The following NELL1 variants were observed in gnomAD, a reference collection of about 807,000 sequenced individuals.
The protein encoded by NELL1 is protein kinase C-binding protein NELL1.
A neutral mutation model predicts 107.4 loss-of-function variants in NELL1; 76 were observed. That is an observed-to-expected ratio of 0.71 (90% CI 0.59 to 0.86). NELL1 has a LOEUF of 0.86. Among genes scored for constraint, NELL1 ranks in the 40% least tolerant of loss-of-function variants. The pLI, the probability that NELL1 is intolerant of heterozygous loss-of-function variation, is 0.00. For synonymous variants in NELL1, 353 were observed against 341.2 expected (o/e 1.03, Z -0.38); for missense variants, 1,024 against 1,005.5 (o/e 1.02, Z -0.25).
chr11:21,473,773 C>A (rs1487075640), intron 15 of NELL1, among the ~76,000 whole-genome samples: 1 of 151,968 alleles, frequency 6.6e-6, no homozygotes, highest in Non-Finnish European at 1.5e-5. Flanking sequence ...ACGTGGGACA[C>A]CCCGTAGTAT....
At chr11:20,884,329 C>T (rs1172864245) in intron 4 of NELL1, among the ~76,000 whole-genome samples, 2 of 152,226 alleles carry the variant, frequency 1.3e-5, no homozygotes, top group Non-Finnish European at 2.9e-5. Context: ...CAGTCAGCTC[C>T]ATCACAGCAG....
At chr11:21,042,776 C>T (rs12577018) in intron 12 of NELL1, among the ~76,000 whole-genome samples, 22,463 of 152,104 alleles carry the variant, frequency 0.15, 2,061 homozygotes, top group African/African-American at 0.24. Flanking sequence ...GGAGCTGTTT[C>T]CAACATAAAT....
intron 12 of NELL1, among the ~76,000 whole-genome samples, chr11:20,967,061 T>A (rs1851401231): frequency 6.6e-6 from 1 of 152,280 alleles, no homozygotes; most frequent in African/African-American, 2.4e-5. Context: ...TTATTTTATT[T>A]ATTTTTTACC....
At chr11:20,888,932 G>A (rs1185822195) in intron 5 of NELL1, among the ~76,000 whole-genome samples, 2 of 152,152 alleles carry the variant, frequency 1.3e-5, no homozygotes, top group East Asian at 1.9e-4. Context: ...TCCAAGTATC[G>A]GAAGAGTGCA....
intron 2 of NELL1, among the ~76,000 whole-genome samples, chr11:20,706,853 G>A (rs1854974968): frequency 6.6e-6 from 1 of 152,038 alleles, no homozygotes; most frequent in African/African-American, 2.4e-5. Flanking sequence ...ACAATTATGT[G>A]TCTTGGAGTT....
intron 2 of NELL1, among the ~76,000 whole-genome samples, chr11:20,779,057 G>A (rs763169097): frequency 2.0e-5 from 3 of 152,140 alleles, no homozygotes; most frequent in Non-Finnish European, 2.9e-5. Flanking sequence ...GCAAATGGGA[G>A]GTTTCCAGAG....
At chr11:20,885,652 A>G in intron 5 of NELL1, 112 bp downstream of exon 5, 1 of 684,682 alleles carries the variant, frequency 1.5e-6, no homozygotes, top group Admixed American at 2.2e-5. Context: ...GCATGGCATA[A>G]TAGCTACTAA....
chr11:21,452,095 A>G (rs1853602047), intron 15 of NELL1, among the ~76,000 whole-genome samples: 1 of 152,188 alleles, frequency 6.6e-6, no homozygotes, highest in Non-Finnish European at 1.5e-5. Context: ...TTGGCATATG[A>G]AAGTTAATTA....
At chr11:20,941,697 T>G (rs1460433249) in intron 10 of NELL1, among the ~76,000 whole-genome samples, 1 of 152,198 alleles carries the variant, frequency 6.6e-6, no homozygotes, top group Non-Finnish European at 1.5e-5. Flanking sequence ...CTAGTCAGAA[T>G]AGCAACACTT....
At chr11:20,888,976 T>C (rs1849564278) in intron 5 of NELL1, among the ~76,000 whole-genome samples, 1 of 152,222 alleles carries the variant, frequency 6.6e-6, no homozygotes, top group African/African-American at 2.4e-5. Flanking sequence ...AAGGCTTTGT[T>C]TGCTTGATCA....
intron 13 of NELL1, among the ~76,000 whole-genome samples, chr11:21,127,846 T>C (rs980393365): frequency 4.6e-5 from 7 of 152,234 alleles, no homozygotes; most frequent in African/African-American, 1.7e-4. Context: ...GATATACTTG[T>C]TTATGGTTAA....
chr11:21,001,182 A>C (rs1380804188), intron 12 of NELL1, among the ~76,000 whole-genome samples: 2 of 152,148 alleles, frequency 1.3e-5, no homozygotes, highest in Admixed American at 1.3e-4. Context: ...TGTATTTATT[A>C]TTATCCTGTG....
intron 2 of NELL1, among the ~76,000 whole-genome samples, chr11:20,733,820 A>T (rs1210454773): frequency 6.6e-6 from 1 of 152,196 alleles, no homozygotes; most frequent in Non-Finnish European, 1.5e-5. Context: ...TTTACTAGTT[A>T]TTGTTTTAGG....
intron 3 of NELL1, among the ~76,000 whole-genome samples, chr11:20,807,865 C>A (rs1340184608): frequency 6.6e-6 from 1 of 152,204 alleles, no homozygotes; most frequent in Non-Finnish European, 1.5e-5. Flanking sequence ...CAGGCTACCA[C>A]TGATGTTCCC....
chr11:21,081,891 C>T lies in NELL1; in HGVS notation c.1301-31698C>T, dbSNP rs539807806. ...TTATTTTTCAAATGATCTTATGAGA[C>T]AGGAACTACTATAGCCCTTAAAGAA... On this transcript the variant is annotated intron_variant, in intron 12 of 19. Transcript: ENST00000357134. Among the ~76,000 whole-genome samples the T allele has an allele frequency of 3.7e-3, 564 of 152,238 alleles. 3 individuals carry two copies. The highest frequency in any genetic ancestry group is 7.1e-3 in the Non-Finnish European group (484 of 68,010).
At chr11:20,955,238 C>G (rs886581169) in intron 11 of NELL1, among the ~76,000 whole-genome samples, 1 of 152,192 alleles carries the variant, frequency 6.6e-6, no homozygotes, top group African/African-American at 2.4e-5. Context: ...TTCAGATTTC[C>G]AGCCAGTTAG....
At chr11:21,350,743 G>A (rs1398696074) in intron 14 of NELL1, among the ~76,000 whole-genome samples, 1 of 152,168 alleles carries the variant, frequency 6.6e-6, no homozygotes, top group Non-Finnish European at 1.5e-5. Context: ...TGTTTCAGAA[G>A]CTCAAGAATC....
chr11:21,517,778 A>G (rs1188377986), intron 15 of NELL1, among the ~76,000 whole-genome samples: 2 of 152,162 alleles, frequency 1.3e-5, no homozygotes, highest in East Asian at 3.9e-4. Flanking sequence ...GATCTCCATC[A>G]CATAATCTAC....
intron 14 of NELL1, among the ~76,000 whole-genome samples, chr11:21,368,165 T>C (rs1388814466): frequency 6.6e-6 from 1 of 152,142 alleles, no homozygotes; most frequent in Non-Finnish European, 1.5e-5. Flanking sequence ...TACTTTGGTA[T>C]ATTGTCTAAG....
Sources: allele counts gnomAD v4.1 joint callset (sites outside exome capture counted in the v4.1 genomes callset), GRCh38; gene constraint gnomAD v4.1.1; transcripts MANE v1.5; gene names NCBI Gene and HGNC (gene_info 2026-07-23, HGNC 2026-07-21).